Variants in PDE10A observed in about 807,000 individuals in gnomAD.
The protein encoded by PDE10A is phosphodiesterase 10A.
Under a neutral mutation model 97.7 loss-of-function variants are expected in PDE10A, and 39 were observed. That is an observed-to-expected ratio of 0.40 (90% confidence interval 0.31 to 0.52). The LOEUF is 0.52. Ranked by LOEUF, PDE10A falls within the 20% of genes least tolerant of loss-of-function variation. The pLI, the probability that PDE10A is intolerant of heterozygous loss-of-function variation, is 0.56. For synonymous variants in PDE10A, 371 were observed against 376.8 expected (o/e 0.98, Z 0.18); for missense variants, 731 against 1,047.8 (o/e 0.70, Z 4.17).
chr6:165,895,337 G>C (rs1781914120), intron 1 of PDE10A, among the ~76,000 whole-genome samples: 1 of 152,170 alleles, frequency 6.6e-6, no homozygotes, highest in Admixed American at 6.5e-5. Flanking sequence ...AGACACAGAT[G>C]CAGAGGACGG....
At chr6:165,549,237 T>C (rs970285843) in intron 1 of PDE10A, among the ~76,000 whole-genome samples, 2 of 152,242 alleles carry the variant, frequency 1.3e-5, no homozygotes, top group Non-Finnish European at 2.9e-5. Context: ...TCATTCATTG[T>C]TCTATCACAC....
At chr6:165,377,500 A>C (rs979623016) in intron 18 of PDE10A, among the ~76,000 whole-genome samples, 20 of 152,242 alleles carry the variant, frequency 1.3e-4, no homozygotes, top group South Asian at 6.2e-4. Flanking sequence ...ATGCACCACT[A>C]CCACGTATGT....
intron 18 of PDE10A, among the ~76,000 whole-genome samples, chr6:165,377,435 C>G (rs1442724945): frequency 1.3e-5 from 2 of 152,032 alleles, no homozygotes; most frequent in Non-Finnish European, 2.9e-5. Context: ...ATGCATGTTT[C>G]AATGCATATT....
chr6:165,803,160 C>T lies in PDE10A; in HGVS notation c.-615+184369G>A, dbSNP rs185851119. Among the ~76,000 whole-genome samples, 7 of 152,290 alleles carry T rather than the reference C, an allele frequency of 4.6e-5. No homozygotes were observed. In the East Asian group the frequency reaches 1.4e-3, roughly 29 times the overall value. On this transcript the variant is annotated intron_variant, in intron 1 of 19. Transcript: ENST00000366882. ...ACCAAGGGGCATAATTTTTATTGTG[C>T]CTCTGGTCTTACCAGATAAGTCATC...
chr6:165,727,066 C>T (rs1792317329), intron 1 of PDE10A, among the ~76,000 whole-genome samples: 2 of 152,324 alleles, frequency 1.3e-5, no homozygotes, highest in African/African-American at 4.8e-5. Context: ...ACCCAGGCTG[C>T]TTCCTCCGCC....
At chr6:165,663,658 TG>T (rs1790410649), upstream of PDE10A, among the ~76,000 whole-genome samples, 1 of 152,216 alleles carries the variant, frequency 6.6e-6, no homozygotes, top group Non-Finnish European at 1.5e-5. Context: ...AACTAGGGTT[TG>T]AAATACGGTT....
chr6:165,452,815 G>A (rs1421008031), intron 3 of PDE10A, among the ~76,000 whole-genome samples: 1 of 151,648 alleles, frequency 6.6e-6, no homozygotes, highest in East Asian at 1.9e-4. Flanking sequence ...GAAATGAGTA[G>A]AGGACAAAAG....
At chr6:165,916,852 G>A (rs6908395) in intron 1 of PDE10A, among the ~76,000 whole-genome samples, 14,210 of 152,018 alleles carry the variant, frequency 0.093, 832 homozygotes, top group African/African-American at 0.14. Flanking sequence ...GAAACACCAC[G>A]CCCTTTGTTC....
intron 1 of PDE10A, among the ~76,000 whole-genome samples, chr6:165,565,434 TG>T (rs1784727574): frequency 6.6e-6 from 1 of 152,106 alleles, no homozygotes; most frequent in Non-Finnish European, 1.5e-5. Flanking sequence ...AAAACTCTGA[TG>T]AAAAAAACTC....
chr6:165,969,401 C>T (rs547601882), intron 1 of PDE10A, among the ~76,000 whole-genome samples: 2 of 152,108 alleles, frequency 1.3e-5, no homozygotes, highest in East Asian at 1.9e-4. Context: ...AGATTGGCTA[C>T]ACCCAGACAA....
chr6:165,975,833 C>G (rs1784830243), intron 1 of PDE10A, among the ~76,000 whole-genome samples: 1 of 152,140 alleles, frequency 6.6e-6, no homozygotes, highest in Non-Finnish European at 1.5e-5. Context: ...ATGGATTTTC[C>G]TTTTTAAGTT....
At chr6:165,507,670 C>T (rs1164915088) in intron 2 of PDE10A, among the ~76,000 whole-genome samples, 4 of 151,996 alleles carry the variant, frequency 2.6e-5, no homozygotes, top group Non-Finnish European at 4.4e-5. Flanking sequence ...CCCTTTTTCT[C>T]TTCCTCTCCA....
intron 2 of PDE10A, among the ~76,000 whole-genome samples, chr6:165,512,967 T>G (rs1781584221): frequency 6.6e-6 from 1 of 152,022 alleles, no homozygotes; most frequent in Admixed American, 6.6e-5. Flanking sequence ...TTTGAGATCA[T>G]TCATACTCAG....
chr6:165,382,055 CT>C (rs1366333804), intron 17 of PDE10A, among the ~76,000 whole-genome samples: 1 of 152,084 alleles, frequency 6.6e-6, no homozygotes, highest in African/African-American at 2.4e-5. Context: ...AAATAGTAGA[CT>C]TTTTACACCC....
intron 19 of PDE10A, among the ~76,000 whole-genome samples, chr6:165,341,556 C>T (rs1416897561): frequency 6.6e-6 from 1 of 152,132 alleles, no homozygotes. Context: ...GTCATAGCTG[C>T]AGTGATGGCT....
At chr6:165,681,031 G>A (rs1790961184) in intron 1 of PDE10A, among the ~76,000 whole-genome samples, 1 of 152,192 alleles carries the variant, frequency 6.6e-6, no homozygotes, top group Non-Finnish European at 1.5e-5. Context: ...AGACTCTCAA[G>A]TTACTTTGTA....
intron 1 of PDE10A, among the ~76,000 whole-genome samples, chr6:165,673,870 A>AAGCG (rs1329710495): frequency 6.6e-6 from 1 of 152,220 alleles, no homozygotes; most frequent in African/African-American, 2.4e-5. Context: ...GGTTATATAG[A>AAGCG]AGCGTGTTTA....
intron 1 of PDE10A, among the ~76,000 whole-genome samples, chr6:165,719,266 G>A (rs1377062032): frequency 6.6e-6 from 1 of 152,212 alleles, no homozygotes; most frequent in Non-Finnish European, 1.5e-5. Context: ...ACACACTGGG[G>A]CAATGGATGG....
At chr6:165,883,976 G>A (rs1376485250) in intron 1 of PDE10A, among the ~76,000 whole-genome samples, 5 of 152,122 alleles carry the variant, frequency 3.3e-5, no homozygotes, top group South Asian at 4.2e-4. Context: ...TGCCGACTCC[G>A]GAGAGAAAGC....
Sources: allele counts gnomAD v4.1 joint callset (sites outside exome capture counted in the v4.1 genomes callset), GRCh38; gene constraint gnomAD v4.1.1; transcripts MANE v1.5; gene names NCBI Gene and HGNC (gene_info 2026-07-23, HGNC 2026-07-21).